CASTOR2: variants seen among roughly 807,000 people sequenced by gnomAD.
CASTOR2 encodes the protein GATS protein like 2.
CASTOR2 carries 8 observed loss-of-function variants against 31.2 expected under a neutral mutation model. The observed-to-expected ratio is 0.26, with a 90% CI of 0.15 to 0.46. CASTOR2 has a LOEUF of 0.46. CASTOR2 is among the 20% of genes least tolerant of loss of function. The probability of loss-of-function intolerance (pLI) is 0.99; values close to 1 mark genes in which losing one functional copy is unlikely to be tolerated. For missense variants in CASTOR2, 216 were observed against 382.1 expected (o/e 0.57, Z 3.62); for synonymous variants, 162 against 158.7 (o/e 1.02, Z -0.16).
rs1805250326 is a variant in CASTOR2 at position 75,029,780 on chromosome 7, G to A, written c.*5081G>A. On this transcript the variant is annotated 3_prime_UTR_variant, in exon 9 of 9. Coordinates refer to ENST00000616305, the MANE Select transcript of CASTOR2 (RefSeq NM_001145064.3). ...GGTTAGTGTAATAGGCAGAGCCTGA[G>A]TGAGGCCGGGGGGCTTCTCCAACAG... is the stretch of plus-strand genomic sequence containing the variant. Among the ~76,000 whole-genome samples the A allele has an allele frequency of 6.6e-6, 1 of 152,220 alleles. No individual in the cohort carries two copies. Among genetic ancestry groups the A allele is most frequent in the Non-Finnish European group, 1.5e-5 (1 of 68,044 alleles).
intron 1 of CASTOR2, among the ~76,000 whole-genome samples, chr7:74,979,463 C>T (rs1803903300): frequency 9.3e-6 from 1 of 107,798 alleles, no homozygotes; most frequent in Non-Finnish European, 1.8e-5. Context: ...GCAATCTCGG[C>T]TCAGTACAGC....
Position 75,024,746 on chromosome 7 carries a change from A to G in CASTOR2, c.*47A>G. 6.4e-7 allele frequency: 1 copy of G among 1,551,506 alleles called. No individual in the cohort carries two copies. Among genetic ancestry groups the G allele is most frequent in the Non-Finnish European group, 8.7e-7 (1 of 1,146,838 alleles). ...CTGCCGCCGCCCGGGCCCAGCCCTA[A>G]CCCTGAAGATTGATCTTGCAGTATT... On this transcript the variant is annotated 3_prime_UTR_variant, in exon 9 of 9. Coordinates refer to ENST00000616305, the MANE Select transcript of CASTOR2 (RefSeq NM_001145064.3).
Position 75,027,770 on chromosome 7 carries a change from A to C in CASTOR2, c.*3071A>C. On this transcript the variant is annotated 3_prime_UTR_variant, in exon 9 of 9. Transcript: ENST00000616305. ...TTTCCCATCCCCATCCTGCTCGTGT[A>C]AAGCTTGGTTTATCTTCTCGGCGTT... is the stretch of plus-strand genomic sequence containing the variant. 5 of 508,546 alleles carry C rather than the reference A, an allele frequency of 9.8e-6. No individual in the cohort carries two copies. The East Asian group carries it at 1.1e-4, about 11-fold the overall frequency. The allele number at this position is 508,546 out of a possible 1,614,324, so 31.5% of individuals were successfully genotyped here.
chr7:74,995,859 C>CA (rs1406020983), intron 1 of CASTOR2, among the ~76,000 whole-genome samples: 3 of 151,362 alleles, frequency 2.0e-5, no homozygotes, highest in Non-Finnish European at 2.9e-5. Context: ...CCTGTAGTTG[C>CA]AGCAACTTGG....
intron 2 of CASTOR2, among the ~76,000 whole-genome samples, chr7:75,014,752 G>GT (rs1363699314): frequency 6.6e-6 from 1 of 152,146 alleles, no homozygotes; most frequent in East Asian, 1.9e-4. Context: ...CCACACCCAC[G>GT]TTTCCAGCTG....
chr7:75,013,367 G>A (rs1804795970), intron 2 of CASTOR2, among the ~76,000 whole-genome samples: 1 of 152,148 alleles, frequency 6.6e-6, no homozygotes. Flanking sequence ...TTCTTGGTCT[G>A]AGCACAGTGG....
At chr7:75,023,004 G>A (rs1339888965) in intron 7 of CASTOR2, among the ~76,000 whole-genome samples, 6 of 151,934 alleles carry the variant, frequency 3.9e-5, no homozygotes, top group Admixed American at 2.6e-4. Flanking sequence ...TAAATGCCTC[G>A]CCTTTTCCAT....
chr7:75,005,622 G>T (rs1413340574), intron 1 of CASTOR2, among the ~76,000 whole-genome samples: 2 of 152,196 alleles, frequency 1.3e-5, no homozygotes, highest in Non-Finnish European at 2.9e-5. Context: ...GCGGGCACCT[G>T]TTCTCACTTC....
In CASTOR2 at chr7:75,026,206, T is replaced by TTTTTTTTTTTTTTG. The variant is rs1805127977; in HGVS notation, c.*1507_*1508insTTTTTTTTTTTTTG. Among the ~76,000 whole-genome samples the TTTTTTTTTTTTTTG allele has an allele frequency of 7.1e-6, 1 of 141,732 alleles. No individual in the cohort carries two copies. Among genetic ancestry groups the TTTTTTTTTTTTTTG allele is most frequent in the Non-Finnish European group, 1.5e-5 (1 of 64,984 alleles). 93.0% of individuals were successfully genotyped at this position (141,732 alleles called of 152,430 possible). A position where few individuals can be genotyped will look rare whatever the true frequency, so the allele number is the denominator to read the frequency against. On this transcript the variant is annotated 3_prime_UTR_variant, in exon 9 of 9. Transcript: ENST00000616305. ...TGGCGGGGGTTTTTTTTTTTTTTTT[T>TTTTTTTTTTTTTTG]GAGATGGGAGTCTGGCTCTGTTGCC...
Position 75,031,447 on chromosome 7 carries a change from A to G in CASTOR2, c.*6748A>G, listed in dbSNP as rs1343395627. Among the ~76,000 whole-genome samples the G allele has an allele frequency of 6.6e-6, 1 of 152,038 alleles. No individual in the cohort carries two copies. Among genetic ancestry groups the G allele is most frequent in the Admixed American group, 6.6e-5 (1 of 15,256 alleles). On this transcript the variant is annotated 3_prime_UTR_variant, in exon 9 of 9. Transcript: ENST00000616305. ...GAGATTCATGTACTGTATGTTGGAG[A>G]AAAAAAATTACCTAATGTTCCCCCA...
intron 1 of CASTOR2, among the ~76,000 whole-genome samples, chr7:74,990,389 A>C (rs188189478): frequency 2.8e-4 from 43 of 151,166 alleles, no homozygotes; most frequent in African/African-American, 1.0e-3. Flanking sequence ...TCTCAAAAAA[A>C]AAAAACAAAA....
chr7:75,029,592 C>A lies in CASTOR2; in HGVS notation c.*4893C>A, dbSNP rs1805242774. Among the ~76,000 whole-genome samples the A allele has an allele frequency of 6.6e-6, 1 of 152,072 alleles. No homozygotes were observed. Among genetic ancestry groups the A allele is most frequent in the African/African-American group, 2.4e-5 (1 of 41,416 alleles). ...CTCCTGACCTCAGGTGATCCGCCCA[C>A]CTTGGCCTCCCAAAGTGCTGGGATT... On this transcript the variant is annotated 3_prime_UTR_variant, in exon 9 of 9. Coordinates refer to ENST00000616305, the MANE Select transcript of CASTOR2 (RefSeq NM_001145064.3).
chr7:75,007,334 GT>G (rs1554438872), intron 1 of CASTOR2, among the ~76,000 whole-genome samples: 7 of 152,108 alleles, frequency 4.6e-5, no homozygotes, highest in Non-Finnish European at 8.8e-5. Context: ...TCTGGTCCCT[GT>G]TTTTGGAGAA....
intron 1 of CASTOR2, among the ~76,000 whole-genome samples, chr7:74,994,384 C>T (rs1804288396): frequency 2.0e-5 from 3 of 152,184 alleles, no homozygotes; most frequent in Non-Finnish European, 1.5e-5. Flanking sequence ...GGTGGTGGCT[C>T]AGCCTCTCTA....
chr7:75,001,629 T>A (rs35320620), intron 1 of CASTOR2, among the ~76,000 whole-genome samples: 118,042 of 152,150 alleles, frequency 0.78, 46,059 homozygotes, highest in East Asian at 0.97. Context: ...GTTTGTTCTC[T>A]TTGAGGCTTC....
intron 1 of CASTOR2, among the ~76,000 whole-genome samples, chr7:74,997,096 G>A (rs1170028654): frequency 1.3e-5 from 2 of 151,604 alleles, no homozygotes; most frequent in African/African-American, 4.9e-5. Context: ...TGTCACCTAG[G>A]TTGGAGTGCA....
chr7:74,991,753 G>A (rs1275740278), intron 1 of CASTOR2, among the ~76,000 whole-genome samples: 3 of 152,202 alleles, frequency 2.0e-5, no homozygotes, highest in South Asian at 2.1e-4. Flanking sequence ...AGGGTCCCGG[G>A]GGAGGATATG....
Position 75,024,695 on chromosome 7 carries a change from A to G in CASTOR2, c.986A>G (p.His329Arg). The change falls in exon 9 of 9, where the codon CAC (histidine) becomes CGC (arginine). Residue 329 changes from histidine (H) to arginine (R), a missense_variant. His to Arg is a conservative substitution (Grantham distance 29). Transcript: ENST00000616305. ...CTGAAGGTCAGCCAAGCAGAGAAGC[A>G]CTAGAAGGGTCTCTTCTGCTCCTCC... is the stretch of plus-strand genomic sequence containing the variant. ...SALKVSQAEK[H>R] The G allele has an allele frequency of 6.4e-7, 1 of 1,551,614 alleles. No individual in the cohort carries two copies. Among genetic ancestry groups the G allele is most frequent in the East Asian group, 2.4e-5 (1 of 40,922 alleles).
intron 7 of CASTOR2, among the ~76,000 whole-genome samples, chr7:75,023,294 C>T (rs1434459478): frequency 6.6e-6 from 1 of 151,572 alleles, no homozygotes; most frequent in Non-Finnish European, 1.5e-5. Flanking sequence ...GGCGACAGAG[C>T]GAGAGTCCAC....
Sources: gnomAD v4.1 joint callset for allele counts (sites outside exome capture counted in the v4.1 genomes callset) on GRCh38, gnomAD v4.1.1 for gene constraint, MANE v1.5 for transcripts, NCBI Gene and HGNC (gene_info 2026-07-23, HGNC 2026-07-21) for gene names.